Variants in PCDH7 observed in about 807,000 individuals in gnomAD.
PCDH7 encodes the protein protocadherin 7.
A neutral mutation model predicts 58.9 loss-of-function variants in PCDH7; 17 were observed. That is an observed-to-expected ratio of 0.29 (90% CI 0.20 to 0.43). The LOEUF is 0.43. Ranked by LOEUF, PCDH7 falls within the 20% of genes least tolerant of loss-of-function variation. The pLI, the probability that PCDH7 is intolerant of heterozygous loss-of-function variation, is 1.00. For missense variants in PCDH7, 1,274 were observed against 1,441.0 expected, an observed-to-expected ratio of 0.88 and a Z score of 1.88; for synonymous variants, 664 against 616.4, an observed-to-expected ratio of 1.08 and a Z score of -1.14.
At chr4:30,891,627 T>A (rs1385471700) in intron 1 of PCDH7, among the ~76,000 whole-genome samples, 3 of 152,018 alleles carry the variant, frequency 2.0e-5, no homozygotes, top group Non-Finnish European at 2.9e-5. Context: ...TTTTCTCTTT[T>A]AGCTGAATTA....
At chr4:30,800,090 C>A (rs1479918397) in intron 1 of PCDH7, among the ~76,000 whole-genome samples, 1 of 151,802 alleles carries the variant, frequency 6.6e-6, no homozygotes, top group Non-Finnish European at 1.5e-5. Flanking sequence ...GAACTCCTGA[C>A]CTCATGATCT....
intron 3 of PCDH7, among the ~76,000 whole-genome samples, chr4:30,966,857 G>T (rs1288069805): frequency 6.6e-6 from 1 of 152,082 alleles, no homozygotes; most frequent in African/African-American, 2.4e-5. Flanking sequence ...TCTTGTGAGA[G>T]AACATAATTT....
intron 3 of PCDH7, among the ~76,000 whole-genome samples, chr4:31,137,903 G>C (rs969743095): frequency 4.6e-5 from 7 of 152,258 alleles, no homozygotes; most frequent in African/African-American, 1.7e-4. Flanking sequence ...CAAATGCAAA[G>C]ATCCATGTAT....
At chr4:30,906,919 A>G (rs1741015508) in intron 1 of PCDH7, among the ~76,000 whole-genome samples, 2 of 152,060 alleles carry the variant, frequency 1.3e-5, no homozygotes, top group Non-Finnish European at 2.9e-5. Context: ...GCTACTTGGG[A>G]GGCTGAGGCA....
At chr4:30,814,340 G>A (rs1727401433) in intron 1 of PCDH7, among the ~76,000 whole-genome samples, 1 of 151,932 alleles carries the variant, frequency 6.6e-6, no homozygotes. Context: ...TTTTTCTGCA[G>A]CTTTAATTTC....
At chr4:31,040,319 T>C (rs1755752794) in intron 3 of PCDH7, among the ~76,000 whole-genome samples, 1 of 152,190 alleles carries the variant, frequency 6.6e-6, no homozygotes, top group African/African-American at 2.4e-5. Context: ...TATTACCATC[T>C]TTTAGTGTTG....
chr4:30,721,525 C>G lies in PCDH7; in HGVS notation c.103C>G (p.Arg35Gly). 6.2e-7 allele frequency: 1 copy of G among 1,601,676 alleles called. No homozygotes were observed. The highest frequency in any genetic ancestry group is 8.5e-7 in the Non-Finnish European group (1 of 1,179,534). Residue 35 changes from arginine (R) to glycine (G), a missense_variant, in exon 1 of 2, where the codon CGG becomes GGG. Around this residue, in one of 3 missense-constraint regions of PCDH7, gnomAD observed 212 missense variants for 255.8 expected, o/e 0.83. Transcript: ENST00000361762. This position sits in a 1 kb window ranked among gnomAD's most constrained non-coding sequence, Gnocchi z 6.7. ...CCTGGCGGCCGCCAAGCAGCTCCTC[C>G]GGTACCGGCTGGCCGAGGAGGGCCC...
At chr4:30,959,752 C>A (rs568713008) in intron 3 of PCDH7, among the ~76,000 whole-genome samples, 158 of 152,030 alleles carry the variant, frequency 1.0e-3, no homozygotes, top group African/African-American at 3.7e-3. Context: ...ATGAAGTTGC[C>A]TTTTATCTTA....
chr4:30,847,072 A>G (rs1016528065), intron 1 of PCDH7, among the ~76,000 whole-genome samples: 8 of 152,074 alleles, frequency 5.3e-5, no homozygotes, highest in African/African-American at 1.7e-4. Context: ...GCAGTGAGCT[A>G]TGATCATACC....
chr4:30,969,141 A>G (rs7659873), intron 3 of PCDH7, among the ~76,000 whole-genome samples: 93,558 of 152,022 alleles, frequency 0.62, 30,078 homozygotes, highest in African/African-American at 0.81. Context: ...GGAATGCAGA[A>G]CCTAGACTTA....
intron 2 of PCDH7, among the ~76,000 whole-genome samples, chr4:30,922,903 T>C (rs1344650759): frequency 6.6e-6 from 1 of 152,164 alleles, no homozygotes; most frequent in African/African-American, 2.4e-5. Context: ...AGACTACTCA[T>C]CTAGCCATAA....
chr4:30,890,857 A>G (rs1020806290), intron 1 of PCDH7, among the ~76,000 whole-genome samples: 49 of 152,162 alleles, frequency 3.2e-4, no homozygotes, highest in African/African-American at 1.2e-3. Flanking sequence ...AAGTGAAATA[A>G]CTAATATTAC....
At chr4:31,130,681 C>G (rs931326499) in intron 3 of PCDH7, among the ~76,000 whole-genome samples, 1 of 152,174 alleles carries the variant, frequency 6.6e-6, no homozygotes, top group African/African-American at 2.4e-5. Context: ...TCTAGAGGCT[C>G]AAGGGGAGAA....
intron 3 of PCDH7, among the ~76,000 whole-genome samples, chr4:31,021,239 A>G (rs1254887831): frequency 1.3e-5 from 2 of 152,168 alleles, no homozygotes; most frequent in Non-Finnish European, 2.9e-5. Context: ...TCATTAAGAC[A>G]CTTTCAGTTG....
intron 3 of PCDH7, among the ~76,000 whole-genome samples, chr4:30,956,972 C>T (rs374261114): frequency 2.0e-4 from 30 of 152,260 alleles, no homozygotes; most frequent in African/African-American, 6.7e-4. Flanking sequence ...GTCGGCATCC[C>T]TTTGTAAAGC....
intron 1 of PCDH7, among the ~76,000 whole-genome samples, chr4:30,757,880 G>A (rs1376446213): frequency 6.6e-6 from 1 of 152,164 alleles, no homozygotes. Flanking sequence ...GTGACTGAAA[G>A]CAACAAACAT....
chr4:30,991,324 C>T (rs1751446368), intron 3 of PCDH7, among the ~76,000 whole-genome samples: 1 of 152,146 alleles, frequency 6.6e-6, no homozygotes, highest in African/African-American at 2.4e-5. Flanking sequence ...CCACTGGATC[C>T]TATGAAAGAT....
chr4:31,124,316 C>T lies in PCDH7; in HGVS notation c.*8-18157C>T, dbSNP rs183937211. Among the ~76,000 whole-genome samples the T allele has an allele frequency of 1.6e-3, 247 of 152,278 alleles. 1 individual carries two copies. Among genetic ancestry groups the T allele is most frequent in the Non-Finnish European group, 2.4e-3 (161 of 68,024 alleles). On this transcript the variant is annotated intron_variant, in intron 3 of 3. Transcript: ENST00000509759. ...TTTTCTCATTTACTTCTCAGAACAA[C>T]CCAATGAGATAGACTCAGATTTAAA...
chr4:30,796,055 A>G (rs997911590), intron 1 of PCDH7, among the ~76,000 whole-genome samples: 4 of 152,176 alleles, frequency 2.6e-5, no homozygotes, highest in African/African-American at 9.7e-5. Flanking sequence ...AATTATATTG[A>G]TAAAAGGTGT....
Sources: gnomAD v4.1 joint callset for allele counts (sites outside exome capture counted in the v4.1 genomes callset) on GRCh38, gnomAD v4.1.1 for gene constraint, gnomAD v4.1.1 regional missense constraint, Gnocchi (gnomAD v3.1) non-coding constraint, MANE v1.5 for transcripts, NCBI Gene and HGNC (gene_info 2026-07-23, HGNC 2026-07-21) for gene names.